PTPRT: variants seen among roughly 807,000 people sequenced by gnomAD.
PTPRT encodes the protein receptor-type tyrosine-protein phosphatase T.
A neutral mutation model predicts 176.8 loss-of-function variants in PTPRT; 56 were observed. The observed-to-expected ratio is 0.32, with a 90% CI of 0.26 to 0.40. The LOEUF (loss-of-function observed/expected upper bound fraction) is 0.40, where lower values mean the gene tolerates loss of function less well. Ranked by LOEUF, PTPRT falls within the 10% of genes least tolerant of loss-of-function variation. The pLI, the probability that PTPRT is intolerant of heterozygous loss-of-function variation, is 1.00. For missense variants in PTPRT, 1,540 were observed against 1,908.2 expected (o/e 0.81, Z 3.60); for synonymous variants, 783 against 739.0 (o/e 1.06, Z -0.96).
intron 1 of PTPRT, among the ~76,000 whole-genome samples, chr20:43,188,381 G>T (rs537181397): frequency 3.0e-4 from 45 of 152,246 alleles, no homozygotes; most frequent in Admixed American, 2.4e-3. Context: ...CGCCTATTCC[G>T]CTTCCATTTT....
chr20:42,912,338 C>G (rs1309951542), intron 1 of PTPRT, among the ~76,000 whole-genome samples: 2 of 152,174 alleles, frequency 1.3e-5, no homozygotes, highest in African/African-American at 4.8e-5. Flanking sequence ...ATAAGTTCAA[C>G]TGGCCATTTG....
At chr20:43,088,006 T>C (rs1953185004) in intron 1 of PTPRT, among the ~76,000 whole-genome samples, 1 of 152,174 alleles carries the variant, frequency 6.6e-6, no homozygotes, top group South Asian at 2.1e-4. Flanking sequence ...TAAAATATTC[T>C]AGTTTCGAAG....
Position 42,669,530 on chromosome 20 carries a change from G to A in PTPRT, c.1153+8336C>T, listed in dbSNP as rs184994519. On this transcript the variant is annotated intron_variant, in intron 7 of 30. Transcript: ENST00000373187. The stretch of plus-strand genomic sequence containing the variant: ...TGTGTTCATACTACCCTCCTGCCCA[G>A]AAGGATGTCCCATTTTACTTCTAAT... Among the ~76,000 whole-genome samples the A allele has an allele frequency of 5.3e-5, 8 of 152,266 alleles. No homozygotes were observed. The East Asian group carries it at 1.2e-3, about 22-fold the overall frequency.
At chr20:43,124,361 A>T (rs1472776998) in intron 1 of PTPRT, among the ~76,000 whole-genome samples, 1 of 152,070 alleles carries the variant, frequency 6.6e-6, no homozygotes, top group African/African-American at 2.4e-5. Flanking sequence ...TTCTCAGGAG[A>T]CCCCAGTCAA....
intron 7 of PTPRT, among the ~76,000 whole-genome samples, chr20:42,533,937 A>G (rs1433757585): frequency 2.6e-5 from 4 of 152,134 alleles, no homozygotes; most frequent in African/African-American, 9.7e-5. Context: ...TGCCATTCTC[A>G]TACACGCTAC....
chr20:42,736,582 C>T (rs1299257030), intron 6 of PTPRT, among the ~76,000 whole-genome samples: 52 of 152,186 alleles, frequency 3.4e-4, no homozygotes, highest in Non-Finnish European at 4.1e-4. Flanking sequence ...TGTGTAGTTT[C>T]AAGAAGTCAC....
intron 15 of PTPRT, among the ~76,000 whole-genome samples, chr20:42,223,623 G>T (rs1364539289): frequency 2.6e-5 from 4 of 152,116 alleles, no homozygotes; most frequent in Non-Finnish European, 4.4e-5. Context: ...CTTCAAATCA[G>T]CCACAGATCT....
chr20:42,722,740 G>A (rs543960895), intron 6 of PTPRT, among the ~76,000 whole-genome samples: 16 of 152,230 alleles, frequency 1.1e-4, no homozygotes, highest in South Asian at 4.2e-4. Flanking sequence ...TGCAGCTCAC[G>A]TGGCCAAGAA....
At chr20:42,523,426 C>T (rs2145505815) in intron 7 of PTPRT, among the ~76,000 whole-genome samples, 1 of 152,230 alleles carries the variant, frequency 6.6e-6, no homozygotes, top group Admixed American at 6.5e-5. Flanking sequence ...ACCTGATTGT[C>T]AATAGTTTGA....
At chr20:42,799,638 T>C (rs944799894) in intron 2 of PTPRT, among the ~76,000 whole-genome samples, 2 of 152,164 alleles carry the variant, frequency 1.3e-5, no homozygotes, top group African/African-American at 4.8e-5. Context: ...GATTTGCTCT[T>C]TGATGTTGGA....
chr20:42,078,750 T>A lies in PTPRT; in HGVS notation c.*2129A>T, dbSNP rs1000097478. On this transcript the variant is annotated 3_prime_UTR_variant, in exon 31 of 31. Coordinates refer to ENST00000373187, the MANE Select transcript of PTPRT (RefSeq NM_007050.6). ...CCCCCAGACTGCTTCTCCCAATGCC[T>A]TTTCACATTTCTTTGCCATTGCACA... The A allele has an allele frequency of 1.7e-5, 3 of 177,054 alleles. No individual in the cohort carries two copies. The highest frequency in any genetic ancestry group is 2.4e-5 in the Non-Finnish European group (2 of 82,402). The allele number at this position is 177,054 out of a possible 1,614,324, so 11.0% of individuals were successfully genotyped here.
chr20:42,669,593 C>T (rs145329704), intron 7 of PTPRT, among the ~76,000 whole-genome samples: 1 of 152,290 alleles, frequency 6.6e-6, no homozygotes, highest in Non-Finnish European at 1.5e-5. Context: ...ATGTTCCTCC[C>T]ATTTTATAGA....
rs139169826 is a variant in PTPRT at position 43,062,219 on chromosome 20, G to A, written c.88+127427C>T. Among the ~76,000 whole-genome samples the A allele has an allele frequency of 3.8e-4, 58 of 152,290 alleles. No individual in the cohort carries two copies. The East Asian group carries it at 7.3e-3, about 19-fold the overall frequency. On this transcript the variant is annotated intron_variant, in intron 1 of 30. Coordinates refer to ENST00000373187, the MANE Select transcript of PTPRT (RefSeq NM_007050.6). ...AACCAAAACTCTGCACTTAAAATGTGTACATTTTATTGGATGTGACTAAAG... is the reference window on the plus strand; with the variant it reads ...AACCAAAACTCTGCACTTAAAATGTATACATTTTATTGGATGTGACTAAAG...
At chr20:42,083,136 A>AAAAAAAAAAG (rs146913637) in intron 29 of PTPRT, among the ~76,000 whole-genome samples, 10 of 130,222 alleles carry the variant, frequency 7.7e-5, no homozygotes, top group African/African-American at 2.1e-4. Context: ...AAAAAAAAAA[A>AAAAAAAAAAG]GCAGGCTAAA....
At chr20:42,481,579 A>G (rs2071385046) in intron 7 of PTPRT, among the ~76,000 whole-genome samples, 1 of 152,120 alleles carries the variant, frequency 6.6e-6, no homozygotes, top group African/African-American at 2.4e-5. Context: ...AAGATATGGT[A>G]TCAGAATAGT....
intron 13 of PTPRT, among the ~76,000 whole-genome samples, chr20:42,276,525 A>AATGTTC (rs2057035944): frequency 2.5e-5 from 1 of 40,810 alleles, no homozygotes; most frequent in Non-Finnish European, 5.4e-5. Flanking sequence ...ATATATATAT[A>AATGTTC]TATATATATA....
chr20:42,221,028 C>A (rs962634846), intron 15 of PTPRT, among the ~76,000 whole-genome samples: 53 of 152,110 alleles, frequency 3.5e-4, no homozygotes, highest in African/African-American at 1.2e-3. Context: ...GAGATGGAGT[C>A]TCACTCTGTC....
rs868105679 is a variant in PTPRT at position 42,762,772 on chromosome 20, T to C, written c.685-6136A>G. 5.9e-5 allele frequency among the ~76,000 whole-genome samples: 9 copies of C among 152,364 alleles called. No homozygotes were observed. The South Asian group carries it at 8.3e-4, about 14-fold the overall frequency. On this transcript the variant is annotated intron_variant, in intron 5 of 30. Transcript: ENST00000373187. Reference sequence around the variant, plus strand: ...GTACAGGAGGGATACATGTTCTAAATTGAAGAAAGGCATTTTACAGCCTAA... The same window carrying C: ...GTACAGGAGGGATACATGTTCTAAACTGAAGAAAGGCATTTTACAGCCTAA...
chr20:42,333,363 C>T (rs1441819266), intron 11 of PTPRT, among the ~76,000 whole-genome samples: 1 of 152,116 alleles, frequency 6.6e-6, no homozygotes, highest in Admixed American at 6.5e-5. Context: ...GATGGAGTCT[C>T]GCTCTGTTAC....
Sources: allele counts gnomAD v4.1 joint callset (sites outside exome capture counted in the v4.1 genomes callset), GRCh38; gene constraint gnomAD v4.1.1; transcripts MANE v1.5; gene names NCBI Gene and HGNC (gene_info 2026-07-23, HGNC 2026-07-21).